Variants in CACNG2 observed in about 807,000 individuals in gnomAD.
The protein encoded by CACNG2 is calcium voltage-gated channel auxiliary subunit gamma 2, also known as voltage-dependent calcium channel gamma-2 subunit.
Under a neutral mutation model 25.9 loss-of-function variants are expected in CACNG2, and 3 were observed. The ratio of observed to expected loss-of-function variants is 0.12; its 90% CI spans 0.05 to 0.30. The LOEUF (loss-of-function observed/expected upper bound fraction) is 0.30. CACNG2 is among the 10% of genes least tolerant of loss of function. The pLI is 1.00. For missense variants in CACNG2, 341 were observed against 432.5 expected (o/e 0.79, Z 1.88); for synonymous variants, 167 against 173.3 (o/e 0.96, Z 0.29).
At chr22:36,698,626 G>T (rs1181708951) in intron 1 of CACNG2, among the ~76,000 whole-genome samples, 1 of 152,228 alleles carries the variant, frequency 6.6e-6, no homozygotes, top group Admixed American at 6.5e-5. Flanking sequence ...GGCTGGCAGA[G>T]CCCCTGTGAG....
chr22:36,570,005 T>A (rs186589722), intron 2 of CACNG2, among the ~76,000 whole-genome samples: 1 of 152,034 alleles, frequency 6.6e-6, no homozygotes, highest in African/African-American at 2.4e-5. Flanking sequence ...GCTCTGGCCT[T>A]CCCCCTCCAA....
chr22:36,622,315 G>A lies in CACNG2; in HGVS notation c.212-34767C>T, dbSNP rs558844328. Among the ~76,000 whole-genome samples the A allele has an allele frequency of 8.5e-5, 13 of 152,368 alleles. No individual in the cohort carries two copies. In the East Asian group the frequency reaches 2.5e-3, roughly 29 times the overall value. ...CGCAGGGCTTGTGGAAATGCAGACT[G>A]CAGGGCCCTATGCCCAGAATTTCTG... On this transcript the variant is annotated intron_variant, in intron 1 of 3. Coordinates refer to ENST00000300105, the MANE Select transcript of CACNG2 (RefSeq NM_006078.5).
At chr22:36,627,418 T>G (rs188387010) in intron 1 of CACNG2, among the ~76,000 whole-genome samples, 42 of 152,166 alleles carry the variant, frequency 2.8e-4, no homozygotes, top group Non-Finnish European at 5.1e-4. Flanking sequence ...GTTTGTGATT[T>G]TAAAAGCAGG....
chr22:36,654,173 T>A (rs527359326), intron 1 of CACNG2, among the ~76,000 whole-genome samples: 4 of 152,276 alleles, frequency 2.6e-5, no homozygotes, highest in African/African-American at 9.6e-5. Context: ...AGCCAATCTT[T>A]CTCTTTGAGG....
intron 1 of CACNG2, among the ~76,000 whole-genome samples, chr22:36,615,864 T>A (rs1318387910): frequency 6.6e-6 from 1 of 152,208 alleles, no homozygotes; most frequent in Non-Finnish European, 1.5e-5. Flanking sequence ...ATTGTGTTAG[T>A]TAAAAAAAGA....
chr22:36,565,503 C>T (rs1319720815), intron 3 of CACNG2, among the ~76,000 whole-genome samples: 1 of 150,140 alleles, frequency 6.7e-6, no homozygotes, highest in Non-Finnish European at 1.5e-5. Flanking sequence ...TTTTAAGATA[C>T]AGTCTTGCTC....
intron 2 of CACNG2, among the ~76,000 whole-genome samples, chr22:36,572,414 T>G (rs543962047): frequency 7.9e-5 from 12 of 152,154 alleles, no homozygotes; most frequent in Non-Finnish European, 1.5e-4. Context: ...TGTAAACAAA[T>G]GAACGTGGTT....
chr22:36,697,016 G>C (rs778059314), intron 1 of CACNG2, among the ~76,000 whole-genome samples: 1 of 152,140 alleles, frequency 6.6e-6, no homozygotes, highest in Admixed American at 6.5e-5. Context: ...AGTTACGTAG[G>C]ATGTAAATTT....
At chr22:36,666,691 A>G (rs970163549) in intron 1 of CACNG2, among the ~76,000 whole-genome samples, 6 of 151,962 alleles carry the variant, frequency 3.9e-5, no homozygotes, top group Non-Finnish European at 8.8e-5. Flanking sequence ...TGTGTATTTT[A>G]CCACAATAAA....
chr22:36,603,719 A>G (rs1014358857), intron 1 of CACNG2, among the ~76,000 whole-genome samples: 28 of 152,216 alleles, frequency 1.8e-4, no homozygotes, highest in Admixed American at 3.3e-4. Flanking sequence ...CATGCAGCAT[A>G]TCTATTTATG....
chr22:36,684,059 T>C (rs1377494462), intron 1 of CACNG2, among the ~76,000 whole-genome samples: 2 of 152,202 alleles, frequency 1.3e-5, no homozygotes, highest in Non-Finnish European at 2.9e-5. Context: ...TGATGAGTAA[T>C]GGGGCTGAAG....
intron 1 of CACNG2, among the ~76,000 whole-genome samples, chr22:36,651,984 C>T (rs1485855028): frequency 6.6e-6 from 1 of 152,178 alleles, no homozygotes; most frequent in Admixed American, 6.5e-5. Flanking sequence ...CTGCCTCAGC[C>T]TCCCAAGTAG....
intron 1 of CACNG2, among the ~76,000 whole-genome samples, chr22:36,677,169 C>T (rs1937031584): frequency 6.6e-6 from 1 of 152,148 alleles, no homozygotes; most frequent in Non-Finnish European, 1.5e-5. Context: ...GAGGGAACGA[C>T]TCCCTTTTTG....
intron 1 of CACNG2, among the ~76,000 whole-genome samples, chr22:36,638,849 A>G (rs1202664938): frequency 1.3e-5 from 2 of 152,208 alleles, no homozygotes; most frequent in Non-Finnish European, 2.9e-5. Flanking sequence ...GGTTCTCAAG[A>G]ACTGTTAGCA....
chr22:36,664,781 T>C (rs1936850765), intron 1 of CACNG2, among the ~76,000 whole-genome samples: 1 of 152,246 alleles, frequency 6.6e-6, no homozygotes. Context: ...AGTTTTCATA[T>C]AAGCATCATC....
intron 1 of CACNG2, among the ~76,000 whole-genome samples, chr22:36,623,011 GGTTTTTT>G (rs1160059854): frequency 6.4e-5 from 6 of 93,224 alleles, no homozygotes; most frequent in African/African-American, 2.6e-4. Context: ...TCAAAACATG[GGTTTTTT>G]TTTTTTTTTT....
chr22:36,647,715 T>C (rs1936548281), intron 1 of CACNG2, among the ~76,000 whole-genome samples: 2 of 152,258 alleles, frequency 1.3e-5, no homozygotes, highest in African/African-American at 2.4e-5. Flanking sequence ...TTGCACACCC[T>C]GTTGCCTCTG....
At chr22:36,690,960 C>A (rs890355941) in intron 1 of CACNG2, among the ~76,000 whole-genome samples, 1 of 152,106 alleles carries the variant, frequency 6.6e-6, no homozygotes, top group African/African-American at 2.4e-5. Flanking sequence ...TCATTACTAA[C>A]ACCTTCCCCT....
chr22:36,621,964 C>T (rs530167646), intron 1 of CACNG2, among the ~76,000 whole-genome samples: 68 of 152,350 alleles, frequency 4.5e-4, no homozygotes, highest in Middle Eastern at 3.4e-3. Flanking sequence ...AACAATTAAA[C>T]AGCAGGTGAC....
Sources: gnomAD v4.1 joint callset for allele counts (sites outside exome capture counted in the v4.1 genomes callset) on GRCh38, gnomAD v4.1.1 for gene constraint, MANE v1.5 for transcripts, NCBI Gene and HGNC (gene_info 2026-07-23, HGNC 2026-07-21) for gene names.